The following FGF12 variants were observed in gnomAD, a reference collection of about 807,000 sequenced individuals.
The protein encoded by FGF12 is fibroblast growth factor 12.
FGF12 carries 14 observed loss-of-function variants against 23.6 expected under a neutral mutation model. That is an observed-to-expected ratio of 0.59 (90% CI 0.39 to 0.93). The LOEUF (loss-of-function observed/expected upper bound fraction) is 0.93. Ranked by LOEUF, FGF12 falls within the 40% of genes least tolerant of loss-of-function variation. The pLI, the probability that FGF12 is intolerant of heterozygous loss-of-function variation, is 0.00. For synonymous variants in FGF12, 62 were observed against 77.3 expected (o/e 0.80, Z 1.04); for missense variants, 175 against 217.8 (o/e 0.80, Z 1.24).
chr3:192,666,462 G>A (rs1716876911), intron 2 of FGF12, among the ~76,000 whole-genome samples: 1 of 152,270 alleles, frequency 6.6e-6, no homozygotes, highest in African/African-American at 2.4e-5. Flanking sequence ...ATAAATACAA[G>A]TGCTGTGACT....
In FGF12 at chr3:192,561,536, A is replaced by G. The variant is rs59032630; in HGVS notation, c.13+165645T>C. On this transcript the variant is annotated intron_variant, in intron 2 of 5. Transcript: ENST00000445105. The stretch of plus-strand genomic sequence containing the variant: ...CGCCACCACGCCCAGCTAATTTTTT[A>G]TATTTTTAGTAGAGATGGGGTTTCA... Among the ~76,000 whole-genome samples, 1,082 of 151,998 alleles carry G rather than the reference A, an allele frequency of 7.1e-3. 17 individuals are homozygous for G. The highest frequency in any genetic ancestry group is 0.024 in the African/African-American group (1,014 of 41,466).
Position 192,462,894 on chromosome 3 carries a change from C to T in FGF12, c.14-102356G>A, listed in dbSNP as rs557146519. Among the ~76,000 whole-genome samples the T allele has an allele frequency of 2.6e-5, 4 of 152,222 alleles. No homozygotes were observed. The South Asian group carries it at 8.3e-4, about 32-fold the overall frequency. Reference sequence around the variant, plus strand: ...ATATAAGAGAAGCACTCTGTAGAAGCTACACAACTGTAATGGCTTACGAAA... The same window carrying T: ...ATATAAGAGAAGCACTCTGTAGAAGTTACACAACTGTAATGGCTTACGAAA... On this transcript the variant is annotated intron_variant, in intron 2 of 5. Coordinates refer to ENST00000445105, the MANE Select transcript of FGF12 (RefSeq NM_004113.6).
intron 4 of FGF12, among the ~76,000 whole-genome samples, chr3:192,287,293 T>C (rs757041051): frequency 1.6e-4 from 24 of 152,078 alleles, no homozygotes; most frequent in Non-Finnish European, 3.5e-4. Context: ...TATCTCATTC[T>C]CCAGTTGTAT....
intron 2 of FGF12, among the ~76,000 whole-genome samples, chr3:192,679,303 C>T (rs1717436574): frequency 6.6e-6 from 1 of 152,110 alleles, no homozygotes; most frequent in South Asian, 2.1e-4. Flanking sequence ...AACTTCAGAT[C>T]ACAAAGAGAT....
intron 2 of FGF12, among the ~76,000 whole-genome samples, chr3:192,660,813 GA>G (rs1172426176): frequency 7.1e-6 from 1 of 140,364 alleles, no homozygotes; most frequent in South Asian, 2.2e-4. Flanking sequence ...GGGAATAAGG[GA>G]AAACAGAGAA....
chr3:192,513,202 AAC>A (rs1300410125), intron 2 of FGF12, among the ~76,000 whole-genome samples: 1 of 152,110 alleles, frequency 6.6e-6, no homozygotes, highest in Non-Finnish European at 1.5e-5. Flanking sequence ...ATGAAATAAT[AAC>A]ACATATCTCT....
intron 4 of FGF12, among the ~76,000 whole-genome samples, chr3:192,295,468 T>C (rs758105534): frequency 1.3e-5 from 2 of 152,182 alleles, no homozygotes; most frequent in Non-Finnish European, 2.9e-5. Flanking sequence ...GTTCGACATA[T>C]ATAAAACCTC....
At chr3:192,693,932 C>T (rs1377922548) in intron 2 of FGF12, among the ~76,000 whole-genome samples, 2 of 151,898 alleles carry the variant, frequency 1.3e-5, no homozygotes, top group Non-Finnish European at 2.9e-5. Context: ...AAAATTTCTG[C>T]CCAGCAAAGA....
intron 2 of FGF12, among the ~76,000 whole-genome samples, chr3:192,447,911 A>G (rs1221679033): frequency 6.6e-6 from 1 of 152,154 alleles, no homozygotes. Flanking sequence ...ATACCCCCAA[A>G]GGTAATTATC....
chr3:192,685,607 G>T (rs1577120563), intron 2 of FGF12, among the ~76,000 whole-genome samples: 1 of 152,114 alleles, frequency 6.6e-6, no homozygotes, highest in East Asian at 1.9e-4. Flanking sequence ...CAAGGGGAAA[G>T]GTAGGGAAGG....
chr3:192,691,638 A>G (rs549193367), intron 2 of FGF12, among the ~76,000 whole-genome samples: 1 of 152,100 alleles, frequency 6.6e-6, no homozygotes, highest in African/African-American at 2.4e-5. Flanking sequence ...CTAGAAAAAG[A>G]AAAAGAAACT....
chr3:192,321,240 C>A (rs919968397), intron 4 of FGF12, among the ~76,000 whole-genome samples: 13 of 152,080 alleles, frequency 8.5e-5, no homozygotes, highest in South Asian at 8.3e-4. Flanking sequence ...TACAGCATAC[C>A]ATGATTGAAC....
chr3:192,601,364 A>G (rs183802618), intron 2 of FGF12, among the ~76,000 whole-genome samples: 2 of 152,268 alleles, frequency 1.3e-5, no homozygotes, highest in African/African-American at 4.8e-5. Flanking sequence ...AGTAAGTTCT[A>G]GTGTTCCATA....
At chr3:192,465,521 A>G (rs1722985001) in intron 2 of FGF12, among the ~76,000 whole-genome samples, 1 of 152,184 alleles carries the variant, frequency 6.6e-6, no homozygotes, top group South Asian at 2.1e-4. Context: ...TCTGTCTTGA[A>G]AGGTTGGCCC....
intron 2 of FGF12, among the ~76,000 whole-genome samples, chr3:192,576,802 A>T (rs1383322162): frequency 2.0e-5 from 3 of 152,224 alleles, no homozygotes; most frequent in Non-Finnish European, 4.4e-5. Flanking sequence ...ACTTGGAACC[A>T]ACCCAAATGC....
Position 192,590,596 on chromosome 3 carries a change from A to G in FGF12, c.13+136585T>C, listed in dbSNP as rs1007250949. 5.3e-5 allele frequency among the ~76,000 whole-genome samples: 8 copies of G among 151,948 alleles called. No individual in the cohort carries two copies. In the East Asian group the frequency reaches 1.5e-3, roughly 29 times the overall value. On this transcript the variant is annotated intron_variant, in intron 2 of 5. Coordinates refer to ENST00000445105, the MANE Select transcript of FGF12 (RefSeq NM_004113.6). Reference sequence around the variant, plus strand: ...AGTCAAGTGCTGCCCAAAAATTATCAACAGAAATTATTTCTACATCCATCT... The same window carrying G: ...AGTCAAGTGCTGCCCAAAAATTATCGACAGAAATTATTTCTACATCCATCT...
intron 2 of FGF12, among the ~76,000 whole-genome samples, chr3:192,725,876 A>C (rs1166948840): frequency 6.6e-6 from 1 of 152,214 alleles, no homozygotes; most frequent in African/African-American, 2.4e-5. Context: ...TATATGCCTC[A>C]AATATACTTA....
chr3:192,507,334 TACACACACAC>T (rs35433581), intron 2 of FGF12, among the ~76,000 whole-genome samples: 10,231 of 144,450 alleles, frequency 0.071, 593 homozygotes, highest in African/African-American at 0.16. Flanking sequence ...TTTGACCAAA[TACACACACAC>T]ACACACACAC....
intron 4 of FGF12, among the ~76,000 whole-genome samples, chr3:192,247,038 AAGGAAGGAAGGAAGGAAG>A (rs1711646437): frequency 9.5e-5 from 1 of 10,504 alleles, no homozygotes; most frequent in African/African-American, 3.6e-4. Flanking sequence ...GGAAAGAAGG[AAGGAAGGAAGGAAGGAAG>A]GAAGGAAGGA....
Sources: gnomAD v4.1 joint callset for allele counts (sites outside exome capture counted in the v4.1 genomes callset) on GRCh38, gnomAD v4.1.1 for gene constraint, MANE v1.5 for transcripts, NCBI Gene and HGNC (gene_info 2026-07-23, HGNC 2026-07-21) for gene names.